Variants in NFS1 observed in about 807,000 individuals in gnomAD.
NFS1 encodes the protein NFS1 cysteine desulfurase.
A neutral mutation model predicts 57.3 loss-of-function variants in NFS1; 26 were observed. The observed-to-expected ratio is 0.45, with a 90% CI of 0.33 to 0.63. The LOEUF (loss-of-function observed/expected upper bound fraction) is 0.63. NFS1 is among the 20% of genes least tolerant of loss of function. NFS1 has a pLI of 0.02. For synonymous variants in NFS1, 209 were observed against 216.3 expected (o/e 0.97, Z 0.30); for missense variants, 505 against 605.8 (o/e 0.83, Z 1.75).
chr20:35,674,225 C>G, intron 10 of NFS1, 125 bp downstream of exon 10: 1 of 814,422 alleles, frequency 1.2e-6, no homozygotes, highest in South Asian at 1.4e-5. Context: ...GAGGCACTTA[C>G]AAAATGACCT....
Position 35,696,991 on chromosome 20 carries a change from A to G in NFS1, c.325-531T>C, listed in dbSNP as rs184300578. Among the ~76,000 whole-genome samples the G allele has an allele frequency of 1.8e-3, 272 of 152,316 alleles. 1 individual carries two copies. The highest frequency in any genetic ancestry group is 2.9e-3 in the Non-Finnish European group (200 of 68,028). On this transcript the variant is annotated intron_variant, in intron 3 of 12. Transcript: ENST00000374092. ...TGTGGTGGCGCATGCCTGTAATCCCAGCTACTTGGGAGGCTGAGGTAGGAG... is the reference window on the plus strand; with the variant it reads ...TGTGGTGGCGCATGCCTGTAATCCCGGCTACTTGGGAGGCTGAGGTAGGAG...
intron 5 of NFS1, 73 bp downstream of exon 5, chr20:35,690,340 G>A (rs1601532519): frequency 1.4e-6 from 2 of 1,454,108 alleles, no homozygotes; most frequent in South Asian, 1.2e-5. Context: ...TCCAGCTAGG[G>A]CCCAAGAGAG....
At chr20:35,689,112 A>G (rs759043132) in intron 5 of NFS1, among the ~76,000 whole-genome samples, 2 of 152,234 alleles carry the variant, frequency 1.3e-5, no homozygotes, top group Non-Finnish European at 2.9e-5. Flanking sequence ...GAGCTTTGCC[A>G]TGGTGAATGT....
At chr20:35,683,406 C>CAGGGGT (rs1555884124) in intron 5 of NFS1, among the ~76,000 whole-genome samples, 1 of 149,142 alleles carries the variant, frequency 6.7e-6, no homozygotes, top group Non-Finnish European at 1.5e-5. Flanking sequence ...CGCTTGAACC[C>CAGGGGT]GGGGGGCAGA....
At chr20:35,685,799 G>A (rs1323672789) in intron 5 of NFS1, among the ~76,000 whole-genome samples, 2 of 124,498 alleles carry the variant, frequency 1.6e-5, no homozygotes, top group East Asian at 2.6e-4. Flanking sequence ...CGGAGGTTGC[G>A]ATGAGCTGAG....
chr20:35,687,492 C>T (rs1028444649), intron 5 of NFS1, among the ~76,000 whole-genome samples: 4 of 152,144 alleles, frequency 2.6e-5, no homozygotes, highest in Non-Finnish European at 4.4e-5. Context: ...ACGTGACCCA[C>T]GTGACCTTAC....
chr20:35,690,147 G>A (rs1041389979), intron 5 of NFS1, among the ~76,000 whole-genome samples: 4 of 151,646 alleles, frequency 2.6e-5, no homozygotes. Flanking sequence ...GCAGAGAGCT[G>A]AGATCAAGCC....
At chr20:35,691,193 T>C (rs1265760441) in intron 4 of NFS1, among the ~76,000 whole-genome samples, 2 of 152,090 alleles carry the variant, frequency 1.3e-5, no homozygotes, top group Non-Finnish European at 2.9e-5. Flanking sequence ...TCTGGAGAAA[T>C]ATACAGCAAA....
chr20:35,680,983 TCCTCC>T, intron 6 of NFS1, 112 bp from the exon 7 acceptor site: 1 of 864,774 alleles, frequency 1.2e-6, no homozygotes, highest in Non-Finnish European at 1.6e-6. Flanking sequence ...AATATTAAAC[TCCTCC>T]CCTCCCTCCT....
At chr20:35,692,975 C>A (rs980382526) in intron 4 of NFS1, among the ~76,000 whole-genome samples, 3 of 151,564 alleles carry the variant, frequency 2.0e-5, no homozygotes, top group African/African-American at 7.3e-5. Context: ...GCACTCCAGC[C>A]TGGGTGACAC....
intron 1 of NFS1, chr20:35,698,931 C>T: frequency 1.5e-6 from 2 of 1,308,712 alleles, no homozygotes; most frequent in South Asian, 2.3e-5. Flanking sequence ...GAGCCCGGAG[C>T]AGCATCTGTA....
chr20:35,690,486 C>A lies in NFS1; in HGVS notation c.488G>T (p.Cys163Phe), dbSNP rs767771335. ...QTEHKCVLDS[C>F]RSLEAEGFQV... ...AAAGCCCTCAGCTTCCAGTGAACGG[C>A]AGGAGTCCAAGACACATTTGTGTTC... is the stretch of plus-strand genomic sequence containing the variant. Residue 163 changes from cysteine to phenylalanine, a missense_variant, in exon 5 of 13, where the codon TGC becomes TTC. Physicochemically the swap from Cys to Phe is radical, Grantham distance 205 (BLOSUM62 -2). Transcript: ENST00000374092. 1 of 1,613,994 alleles carries A rather than the reference C, an allele frequency of 6.2e-7. No individual in the cohort carries two copies. Among genetic ancestry groups the A allele is most frequent in the Non-Finnish European group, 8.5e-7 (1 of 1,179,992 alleles).
chr20:35,693,547 G>T (rs1195370055), intron 4 of NFS1, among the ~76,000 whole-genome samples: 1 of 152,144 alleles, frequency 6.6e-6, no homozygotes, highest in African/African-American at 2.4e-5. Context: ...AGAATAAAAA[G>T]CCAGGTGCAG....
At chr20:35,672,542 T>C (rs1001318876) in intron 12 of NFS1, among the ~76,000 whole-genome samples, 3 of 152,212 alleles carry the variant, frequency 2.0e-5, no homozygotes, top group African/African-American at 4.8e-5. Flanking sequence ...TGGGCCACCC[T>C]GCCCGGCCTA....
At chr20:35,681,196 T>C (rs1045220004) in intron 6 of NFS1, among the ~76,000 whole-genome samples, 106 of 151,668 alleles carry the variant, frequency 7.0e-4, no homozygotes, top group African/African-American at 2.4e-3. Context: ...GATTACTTTC[T>C]AGATCCCTTT....
At chr20:35,670,555 T>C (rs1013929642) in intron 12 of NFS1, among the ~76,000 whole-genome samples, 2 of 152,250 alleles carry the variant, frequency 1.3e-5, no homozygotes, top group African/African-American at 4.8e-5. Context: ...AGATTTTCCA[T>C]GGCCCTTAAA....
rs747526673 is a variant in NFS1, at chr20:35,675,156, C to T, written c.837G>A (p.Glu279=). Residue 279 remains glutamate (E), a synonymous_variant, in exon 8 of 13, where the codon GAG becomes GAA. Coordinates refer to ENST00000374092, the MANE Select transcript of NFS1 (RefSeq NM_021100.5). ...CCTGCCCCCCTCCACTCTGCAGGGC[C>T]TCCACACGCACACGGGGCCGGCGAC... ...YIRRRPRVRV[E]ALQSGGGQER... is the part of the protein sequence containing the mutation. The T allele has an allele frequency of 6.8e-6, 11 of 1,613,906 alleles. No individual in the cohort carries two copies. The East Asian group carries it at 2.0e-4, about 29-fold the overall frequency.
intron 5 of NFS1, among the ~76,000 whole-genome samples, chr20:35,684,277 G>A (rs1330418862): frequency 1.3e-5 from 2 of 151,656 alleles, no homozygotes; most frequent in African/African-American, 4.9e-5. Context: ...GGTGGCGGGC[G>A]CCTATAGTTC....
rs1203932585 is a variant in NFS1, at chr20:35,675,128, G to A, written c.865C>T (p.Arg289Trp). ...EALQSGGGQE[R>W]GMRSGTVPTP... ...GGCACTGTCCCAGACCGCATACCCCGCTCCTGCCCCCCTCCACTCTGCAGG... is the reference window on the plus strand; with the variant it reads ...GGCACTGTCCCAGACCGCATACCCCACTCCTGCCCCCCTCCACTCTGCAGG... The change falls in exon 8 of 13, where the codon CGG becomes TGG. Residue 289 changes from arginine (R) to tryptophan (W), a missense_variant. Physicochemically the swap from Arg to Trp is moderately radical, Grantham distance 101. Coordinates refer to ENST00000374092, the MANE Select transcript of NFS1 (RefSeq NM_021100.5). 3.1e-6 allele frequency: 5 copies of A among 1,613,768 alleles called. No homozygotes were observed. The highest frequency in any genetic ancestry group is 1.3e-5 in the African/African-American group (1 of 74,880).
Sources: allele counts gnomAD v4.1 joint callset (sites outside exome capture counted in the v4.1 genomes callset), GRCh38; gene constraint gnomAD v4.1.1; transcripts MANE v1.5; gene names NCBI Gene and HGNC (gene_info 2026-07-23, HGNC 2026-07-21).